OPCML: variants seen among roughly 807,000 people sequenced by gnomAD.
OPCML encodes opioid binding protein/cell adhesion molecule like.
In OPCML, 13 loss-of-function variants were observed where a neutral mutation model predicts 37.8. The ratio of observed to expected loss-of-function variants is 0.34; its 90% CI spans 0.22 to 0.55. The LOEUF is 0.55. Among genes scored for constraint, OPCML ranks in the 20% least tolerant of loss-of-function variants. The pLI, the probability that OPCML is intolerant of heterozygous loss-of-function variation, is 0.91. For synonymous variants in OPCML, 176 were observed against 168.8 expected (o/e 1.04, Z -0.33); for missense variants, 341 against 435.6 (o/e 0.78, Z 1.93).
intron 1 of OPCML, among the ~76,000 whole-genome samples, chr11:133,196,555 T>C (rs1334387148): frequency 6.6e-6 from 1 of 152,202 alleles, no homozygotes; most frequent in African/African-American, 2.4e-5. Context: ...GCACCAACTC[T>C]GAAATGTAAA....
chr11:133,361,285 G>C (rs943959517), intron 1 of OPCML: 1 of 152,344 alleles, frequency 6.6e-6, no homozygotes, highest in Non-Finnish European at 1.5e-5. Flanking sequence ...GCGTGGAGGG[G>C]GTTTCCGGGA....
intron 2 of OPCML, among the ~76,000 whole-genome samples, chr11:132,855,951 T>C (rs1424237144): frequency 2.6e-5 from 4 of 152,174 alleles, no homozygotes; most frequent in Non-Finnish European, 1.5e-5. Flanking sequence ...GACCAGTTGG[T>C]GTGATGTCTA....
chr11:133,429,566 G>A (rs374189928), intron 1 of OPCML, among the ~76,000 whole-genome samples: 22 of 152,182 alleles, frequency 1.4e-4, no homozygotes, highest in African/African-American at 5.3e-4. Context: ...AGGCTATTGC[G>A]AAAATCCAGC....
chr11:133,217,825 G>A (rs1307257362), intron 1 of OPCML, among the ~76,000 whole-genome samples: 1 of 152,208 alleles, frequency 6.6e-6, no homozygotes, highest in Admixed American at 6.5e-5. Flanking sequence ...TGCCAAGTCT[G>A]GAGGATTACT....
intron 1 of OPCML, among the ~76,000 whole-genome samples, chr11:133,266,605 T>C (rs769542526): frequency 8.5e-5 from 13 of 152,182 alleles, no homozygotes; most frequent in Non-Finnish European, 1.0e-4. Context: ...TAGAACACTA[T>C]CTGGCATGTA....
chr11:133,411,973 AGCT>A (rs1353152171), intron 1 of OPCML, among the ~76,000 whole-genome samples: 1 of 152,154 alleles, frequency 6.6e-6, no homozygotes, highest in Non-Finnish European at 1.5e-5. Flanking sequence ...TCATGGAGGC[AGCT>A]ACTTATTTGC....
chr11:132,868,997 G>A (rs1942690712), intron 2 of OPCML, among the ~76,000 whole-genome samples: 1 of 152,174 alleles, frequency 6.6e-6, no homozygotes, highest in African/African-American at 2.4e-5. Context: ...GGCCTGTTCT[G>A]AGGAATGGCA....
intron 2 of OPCML, among the ~76,000 whole-genome samples, chr11:132,814,923 T>C (rs1043549815): frequency 6.6e-6 from 1 of 152,152 alleles, no homozygotes; most frequent in Admixed American, 6.5e-5. Flanking sequence ...CAGTCACTCA[T>C]AAGTGTTCTG....
chr11:133,140,516 T>TAAGAAGAAGAAG (rs1949756477), intron 1 of OPCML, among the ~76,000 whole-genome samples: 1 of 76,012 alleles, frequency 1.3e-5, no homozygotes, highest in African/African-American at 4.7e-5. Context: ...TGTCTCAAAA[T>TAAGAAGAAGAAG]AATAATAATA....
At position 132,437,202 on chromosome 11, in the gene OPCML, CT is replaced by C. The variant is rs752355206; in HGVS notation, c.643+19del. On this transcript the variant is annotated intron_variant, in intron 5 of 7. Transcript: ENST00000524381. ...TGTGCCGTCTTTTCCCCAGAACCCC[CT>C]GGCTGCAGGTCCACTCACAGTTTAC... 6.2e-7 allele frequency: 1 copy of C among 1,608,956 alleles called. No homozygotes were observed. The highest frequency in any genetic ancestry group is 2.2e-5 in the East Asian group (1 of 44,754).
chr11:133,254,914 CA>C (rs958351613), intron 1 of OPCML, among the ~76,000 whole-genome samples: 6 of 151,730 alleles, frequency 4.0e-5, no homozygotes, highest in Non-Finnish European at 5.9e-5. Context: ...ACACTGAGTT[CA>C]AAAAAAGGGA....
chr11:133,207,279 G>A (rs561638278), intron 1 of OPCML, among the ~76,000 whole-genome samples: 24 of 152,154 alleles, frequency 1.6e-4, no homozygotes, highest in African/African-American at 4.8e-4. Flanking sequence ...CAGCCTGGGC[G>A]ACAGAGTGAG....
chr11:133,375,252 T>G (rs531213275), intron 1 of OPCML, among the ~76,000 whole-genome samples: 41 of 152,366 alleles, frequency 2.7e-4, no homozygotes, highest in Non-Finnish European at 4.9e-4. Flanking sequence ...GTATGTAAGT[T>G]TGTATGATTG....
chr11:132,932,814 G>C (rs1369404993), intron 2 of OPCML, among the ~76,000 whole-genome samples: 1 of 151,054 alleles, frequency 6.6e-6, no homozygotes, highest in Non-Finnish European at 1.5e-5. Context: ...TTACAAACTT[G>C]GTATCATTTA....
At chr11:132,927,518 T>C (rs1484957493) in intron 2 of OPCML, among the ~76,000 whole-genome samples, 1 of 152,042 alleles carries the variant, frequency 6.6e-6, no homozygotes, top group Admixed American at 6.6e-5. Context: ...GACATCCCCA[T>C]ATAAACAAAA....
At chr11:132,437,100 G>T in intron 5 of OPCML, 122 bp downstream of exon 5, 4 of 1,456,288 alleles carry the variant, frequency 2.7e-6, no homozygotes, top group South Asian at 1.4e-5. Flanking sequence ...GCCATCTGAT[G>T]AAGTATTTTC....
In OPCML at chr11:132,948,420, C is replaced by T. The variant is rs1435523415; in HGVS notation, c.62-5410G>A. Among the ~76,000 whole-genome samples, 6 of 152,280 alleles carry T rather than the reference C, an allele frequency of 3.9e-5. No individual in the cohort carries two copies. In the East Asian group the frequency reaches 1.2e-3, roughly 29 times the overall value. On this transcript the variant is annotated intron_variant, in intron 1 of 7. Coordinates refer to ENST00000524381, the MANE Select transcript of OPCML (RefSeq NM_001012393.5). The stretch of plus-strand genomic sequence containing the variant: ...ATTTCTGGCAGGCTCTGTGTTACGG[C>T]AGTGGGGGTGGTTCTAGTGGTTCTG...
At chr11:133,082,995 C>T (rs1183703414) in intron 1 of OPCML, among the ~76,000 whole-genome samples, 8 of 151,290 alleles carry the variant, frequency 5.3e-5, no homozygotes, top group African/African-American at 1.9e-4. Flanking sequence ...AGAGGGCGCC[C>T]GTCAGCGCCG....
intron 1 of OPCML, among the ~76,000 whole-genome samples, chr11:133,221,669 C>T (rs534278108): frequency 6.6e-6 from 1 of 152,112 alleles, no homozygotes; most frequent in Non-Finnish European, 1.5e-5. Flanking sequence ...GCTGCATTCA[C>T]CTCTGGATTA....
Sources: gnomAD v4.1 joint callset for allele counts (sites outside exome capture counted in the v4.1 genomes callset) on GRCh38, gnomAD v4.1.1 for gene constraint, MANE v1.5 for transcripts, NCBI Gene and HGNC (gene_info 2026-07-23, HGNC 2026-07-21) for gene names.